MDGA2: variants seen among roughly 807,000 people sequenced by gnomAD.
MDGA2 encodes the protein MAM domain-containing glycosylphosphatidylinositol anchor protein 2.
In MDGA2, 40 loss-of-function variants were observed where a neutral mutation model predicts 117.8. The observed-to-expected ratio is 0.34, with a 90% CI of 0.26 to 0.44. MDGA2 has a LOEUF of 0.44. Ranked by LOEUF, MDGA2 falls within the 20% of genes least tolerant of loss-of-function variation. MDGA2 has a pLI of 1.00. For synonymous variants in MDGA2, 452 were observed against 439.0 expected (o/e 1.03, Z -0.37); for missense variants, 1,123 against 1,250.6 (o/e 0.90, Z 1.54).
intron 1 of MDGA2, among the ~76,000 whole-genome samples, chr14:47,499,014 A>C (rs993057458): frequency 1.3e-5 from 2 of 151,014 alleles, no homozygotes; most frequent in Non-Finnish European, 3.0e-5. Flanking sequence ...CATTTTTTTT[A>C]TTCTACAATA....
chr14:47,509,558 A>C (rs1469083374), intron 1 of MDGA2, among the ~76,000 whole-genome samples: 2 of 152,186 alleles, frequency 1.3e-5, no homozygotes, highest in African/African-American at 2.4e-5. Flanking sequence ...AGCCCAGAAT[A>C]GCTGTGGGAC....
At chr14:47,593,146 A>C (rs1281014608) in intron 1 of MDGA2, among the ~76,000 whole-genome samples, 1 of 152,100 alleles carries the variant, frequency 6.6e-6, no homozygotes, top group African/African-American at 2.4e-5. Context: ...AACGTCGCTA[A>C]TTATTTGAGA....
Position 47,301,535 on chromosome 14 carries a change from C to A in MDGA2, c.296G>T (p.Arg99Leu), listed in dbSNP as rs372731604. 1.9e-6 allele frequency: 3 copies of A among 1,551,572 alleles called. No individual in the cohort carries two copies. The highest frequency in any genetic ancestry group is 1.7e-4 in the Middle Eastern group (1 of 5,990). ...ACAGGCCAAGCCTGAGTGCACAATA[C>A]GAACCGTGGGAGGAGCTGTCGAGTC... ...GQGVYAPPTV[R>L]IVHSGLACNI... Residue 99 changes from arginine to leucine, a missense_variant, in exon 2 of 17, where the codon CGT becomes CTT. Arg to Leu is a moderately radical substitution (Grantham distance 102, BLOSUM62 -2). This residue lies in a region of MDGA2 where 233 missense variants were observed against 200.3 expected (regional missense o/e 1.16). Coordinates refer to ENST00000399232, the MANE Select transcript of MDGA2 (RefSeq NM_001113498.3).
chr14:47,125,503 C>T lies in MDGA2; in HGVS notation c.925+6211G>A, dbSNP rs957716304. On this transcript the variant is annotated intron_variant, in intron 5 of 16. Transcript: ENST00000399232. Reference sequence around the variant, plus strand: ...AATAATAAAAAGAGATAATAGTTGCCTAACATAGGAAACAAAGACGTTTCT... The same window carrying T: ...AATAATAAAAAGAGATAATAGTTGCTTAACATAGGAAACAAAGACGTTTCT... 1.3e-3 allele frequency among the ~76,000 whole-genome samples: 191 copies of T among 151,300 alleles called. 1 individual carries two copies. The highest frequency in any genetic ancestry group is 4.5e-3 in the African/African-American group (187 of 41,204).
At chr14:47,564,073 A>C (rs1382190722) in intron 1 of MDGA2, among the ~76,000 whole-genome samples, 1 of 152,182 alleles carries the variant, frequency 6.6e-6, no homozygotes, top group Non-Finnish European at 1.5e-5. Context: ...AGAATGATGA[A>C]TATAGGCCCT....
At chr14:47,661,407 T>C (rs1353049912) in intron 1 of MDGA2, among the ~76,000 whole-genome samples, 1 of 152,144 alleles carries the variant, frequency 6.6e-6, no homozygotes, top group Non-Finnish European at 1.5e-5. Flanking sequence ...TTATGAAAAA[T>C]TACTATATCT....
At chr14:47,138,960 A>G (rs760764275) in intron 4 of MDGA2, among the ~76,000 whole-genome samples, 10 of 152,084 alleles carry the variant, frequency 6.6e-5, no homozygotes, top group Non-Finnish European at 1.5e-4. Context: ...GTCTATAAAA[A>G]GGTATAAACA....
chr14:47,332,935 T>C (rs1029413674), intron 1 of MDGA2, among the ~76,000 whole-genome samples: 1 of 151,792 alleles, frequency 6.6e-6, no homozygotes, highest in African/African-American at 2.4e-5. Flanking sequence ...TCACTTAAGA[T>C]AATAGCCTCT....
intron 7 of MDGA2, among the ~76,000 whole-genome samples, chr14:47,045,518 CTTTT>C (rs199993629): frequency 2.0e-5 from 3 of 151,232 alleles, no homozygotes; most frequent in Admixed American, 2.0e-4. Context: ...ATGTGGAAAA[CTTTT>C]TTTTTCTGAA....
At chr14:47,395,678 G>A (rs1594835385) in intron 1 of MDGA2, among the ~76,000 whole-genome samples, 1 of 151,908 alleles carries the variant, frequency 6.6e-6, no homozygotes, top group Admixed American at 6.6e-5. Context: ...TATAGACAAT[G>A]AACATATTAA....
At chr14:46,961,703 C>T (rs1022646571) in intron 8 of MDGA2, among the ~76,000 whole-genome samples, 9 of 150,466 alleles carry the variant, frequency 6.0e-5, no homozygotes, top group Non-Finnish European at 8.8e-5. Context: ...AGTGCAGTGG[C>T]GCAATCTCAG....
chr14:47,237,027 G>T (rs922870722), intron 2 of MDGA2, among the ~76,000 whole-genome samples: 1 of 151,972 alleles, frequency 6.6e-6, no homozygotes, highest in African/African-American at 2.4e-5. Context: ...TAATATTCAG[G>T]TTCCTATAAA....
intron 1 of MDGA2, among the ~76,000 whole-genome samples, chr14:47,490,641 C>T (rs1222234485): frequency 6.6e-6 from 1 of 151,994 alleles, no homozygotes; most frequent in Non-Finnish European, 1.5e-5. Context: ...ATAGAAGTAA[C>T]ATTAAAGGTG....
At position 46,989,172 on chromosome 14, in the gene MDGA2, A is replaced by T. The variant is rs1886982287; in HGVS notation, c.1820-31529T>A. Among the ~76,000 whole-genome samples the T allele has an allele frequency of 2.0e-5, 3 of 152,070 alleles. No homozygotes were observed. In the South Asian group the frequency reaches 6.2e-4, roughly 32 times the overall value. ...ACTCTGAGTTCTAATACCATTTCAA[A>T]CTTCCACTTTCTGTGTCTATGTAGT... On this transcript the variant is annotated intron_variant, in intron 8 of 16. Coordinates refer to ENST00000399232, the MANE Select transcript of MDGA2 (RefSeq NM_001113498.3).
chr14:47,047,675 C>G (rs937727902), intron 7 of MDGA2, among the ~76,000 whole-genome samples: 1 of 152,020 alleles, frequency 6.6e-6, no homozygotes, highest in African/African-American at 2.4e-5. Context: ...TTTCTTATCA[C>G]TGTACGTTGT....
chr14:46,918,396 T>C (rs753280403), intron 10 of MDGA2, among the ~76,000 whole-genome samples: 2 of 152,156 alleles, frequency 1.3e-5, no homozygotes, highest in Non-Finnish European at 2.9e-5. Flanking sequence ...TTATAAAATA[T>C]TAGCTGTGTT....
chr14:47,540,540 G>GTATATA (rs1555330658), intron 1 of MDGA2, among the ~76,000 whole-genome samples: 2 of 79,220 alleles, frequency 2.5e-5, no homozygotes, highest in African/African-American at 3.9e-5. Flanking sequence ...GTGTGTGTGT[G>GTATATA]TATATATATA....
chr14:47,645,567 A>G (rs1897513466), intron 1 of MDGA2, among the ~76,000 whole-genome samples: 2 of 151,956 alleles, frequency 1.3e-5, no homozygotes, highest in African/African-American at 4.8e-5. Context: ...ATTCTTATAA[A>G]TCTTAAAAGA....
intron 6 of MDGA2, among the ~76,000 whole-genome samples, chr14:47,073,902 C>G (rs1890388435): frequency 6.6e-6 from 1 of 152,092 alleles, no homozygotes; most frequent in Non-Finnish European, 1.5e-5. Context: ...CTTTCATTTC[C>G]CACCTGTCTC....
Sources: gnomAD v4.1 joint callset for allele counts (sites outside exome capture counted in the v4.1 genomes callset) on GRCh38, gnomAD v4.1.1 for gene constraint, gnomAD v4.1.1 regional missense constraint, MANE v1.5 for transcripts, NCBI Gene and HGNC (gene_info 2026-07-23, HGNC 2026-07-21) for gene names.